EYS: variants seen among roughly 807,000 people sequenced by gnomAD.
The protein encoded by EYS is protein eyes shut homolog.
Under a neutral mutation model 282.1 loss-of-function variants are expected in EYS, and 250 were observed. The observed-to-expected ratio is 0.89, with a 90% CI of 0.80 to 0.98. The LOEUF is 0.98. Ranked by LOEUF, EYS falls within the 50% of genes least tolerant of loss-of-function variation. The probability of loss-of-function intolerance (pLI) is 0.00; values close to 1 mark genes in which losing one functional copy is unlikely to be tolerated. For synonymous variants in EYS, 1,355 were observed against 1,282.9 expected (o/e 1.06, Z -1.20); for missense variants, 4,016 against 3,709.0 (o/e 1.08, Z -2.15).
At chr6:64,398,335 G>A (rs903562410) in intron 28 of EYS, among the ~76,000 whole-genome samples, 1 of 151,860 alleles carries the variant, frequency 6.6e-6, no homozygotes, top group Non-Finnish European at 1.5e-5. Context: ...GGAGATGGAA[G>A]GAGATGGATT....
chr6:65,479,649 A>C (rs1765532284), intron 5 of EYS, among the ~76,000 whole-genome samples: 1 of 152,182 alleles, frequency 6.6e-6, no homozygotes, highest in African/African-American at 2.4e-5. Context: ...CCAACCTTCT[A>C]TGAAATGCGA....
chr6:65,313,934 T>C (rs1769228933), intron 11 of EYS, among the ~76,000 whole-genome samples: 1 of 152,200 alleles, frequency 6.6e-6, no homozygotes, highest in African/African-American at 2.4e-5. Context: ...CAAGGTGGTA[T>C]CTGATCAGAC....
At chr6:64,191,985 C>T (rs1484278162) in intron 31 of EYS, among the ~76,000 whole-genome samples, 1 of 145,598 alleles carries the variant, frequency 6.9e-6, no homozygotes, top group Non-Finnish European at 1.5e-5. Flanking sequence ...TCCTCTCCAG[C>T]ACCTGTTGTT....
chr6:65,656,313 T>C (rs1767824795), intron 1 of EYS, among the ~76,000 whole-genome samples: 2 of 151,908 alleles, frequency 1.3e-5, no homozygotes, highest in South Asian at 2.1e-4. Flanking sequence ...GAAATGATTA[T>C]GCTTAGTGAG....
At chr6:65,366,538 CA>C (rs1463064679) in intron 8 of EYS, among the ~76,000 whole-genome samples, 3 of 151,696 alleles carry the variant, frequency 2.0e-5, no homozygotes, top group African/African-American at 7.2e-5. Flanking sequence ...TATTTACATT[CA>C]AATTTATGTG....
intron 5 of EYS, among the ~76,000 whole-genome samples, chr6:65,484,078 C>T (rs1409223673): frequency 6.6e-6 from 1 of 151,428 alleles, no homozygotes; most frequent in African/African-American, 2.4e-5. Context: ...TTTTATACAT[C>T]TTTTAAATGT....
chr6:65,517,576 G>A (rs1463048995), intron 2 of EYS, among the ~76,000 whole-genome samples: 1 of 151,980 alleles, frequency 6.6e-6, no homozygotes, highest in Non-Finnish European at 1.5e-5. Flanking sequence ...GAGGTCTATG[G>A]TTAGGCAAGT....
intron 31 of EYS, among the ~76,000 whole-genome samples, chr6:64,117,900 G>GT: frequency 6.6e-6 from 1 of 152,028 alleles, no homozygotes; most frequent in East Asian, 1.9e-4. Context: ...TAGCATTTCT[G>GT]TATACTGATA....
intron 12 of EYS, among the ~76,000 whole-genome samples, chr6:65,250,171 C>G (rs1370475721): frequency 6.6e-6 from 1 of 151,928 alleles, no homozygotes; most frequent in Non-Finnish European, 1.5e-5. Flanking sequence ...GATGATGATA[C>G]CATAGTTGCT....
In EYS at chr6:65,700,816, G is replaced by C. The variant is rs1769647727; in HGVS notation, c.-448+6319C>G. ...TAATGTGTTTGCCGTACGTTCTTCA[G>C]CATAGATATAGTCTTGTAAAATATA... On this transcript the variant is annotated intron_variant, in intron 1 of 42. Transcript: ENST00000503581. Among the ~76,000 whole-genome samples, 5 of 152,216 alleles carry C rather than the reference G, an allele frequency of 3.3e-5. No individual in the cohort carries two copies. In the South Asian group the frequency reaches 1.0e-3, roughly 32 times the overall value.
chr6:64,520,039 A>G (rs946897690), intron 26 of EYS, among the ~76,000 whole-genome samples: 1 of 151,804 alleles, frequency 6.6e-6, no homozygotes, highest in Non-Finnish European at 1.5e-5. Flanking sequence ...TGGACCCAAT[A>G]GGAAACTCTA....
chr6:65,405,428 A>C, intron 5 of EYS, 61 bp from the exon 6 acceptor site: 1 of 1,311,162 alleles, frequency 7.6e-7, no homozygotes, highest in African/African-American at 1.5e-5. Flanking sequence ...AGAAATGAGC[A>C]TAGATATGTA....
intron 31 of EYS, among the ~76,000 whole-genome samples, chr6:64,150,711 C>A (rs531224817): frequency 6.6e-6 from 1 of 152,184 alleles, no homozygotes; most frequent in Non-Finnish European, 1.5e-5. Context: ...AATCCTTAAC[C>A]TTGGCTGGGC....
chr6:64,903,222 T>G, intron 16 of EYS, among the ~76,000 whole-genome samples: 1 of 152,258 alleles, frequency 6.6e-6, no homozygotes, highest in Non-Finnish European at 1.5e-5. Flanking sequence ...CCATTTTTCT[T>G]GTTAATATTT....
chr6:65,440,848 TA>T (rs1284270677), intron 5 of EYS, among the ~76,000 whole-genome samples: 1 of 145,874 alleles, frequency 6.9e-6, no homozygotes, highest in Non-Finnish European at 1.5e-5. Flanking sequence ...AATATGTGTA[TA>T]TATATATATA....
intron 35 of EYS, among the ~76,000 whole-genome samples, chr6:63,905,157 C>T (rs1562088981): frequency 6.6e-6 from 1 of 152,048 alleles, no homozygotes; most frequent in African/African-American, 2.4e-5. Context: ...AACATGTGGC[C>T]TTTTGTGTCT....
At chr6:63,877,421 A>G (rs895928110) in intron 35 of EYS, among the ~76,000 whole-genome samples, 1 of 151,820 alleles carries the variant, frequency 6.6e-6, no homozygotes, top group Non-Finnish European at 1.5e-5. Context: ...CTTCATTTCA[A>G]CTTTGGTGAA....
intron 31 of EYS, among the ~76,000 whole-genome samples, chr6:64,198,072 A>C (rs976034134): frequency 2.6e-5 from 4 of 151,716 alleles, no homozygotes; most frequent in African/African-American, 9.7e-5. Flanking sequence ...GGCTCACTGC[A>C]AGCTCCGCTT....
intron 24 of EYS, among the ~76,000 whole-genome samples, chr6:64,608,191 G>A (rs192174630): frequency 3.1e-4 from 47 of 152,054 alleles, no homozygotes; most frequent in African/African-American, 9.9e-4. Context: ...TCATGTTTTC[G>A]TTCATGTATA....
Sources: gnomAD v4.1 joint callset for allele counts (sites outside exome capture counted in the v4.1 genomes callset) on GRCh38, gnomAD v4.1.1 for gene constraint, MANE v1.5 for transcripts, NCBI Gene and HGNC (gene_info 2026-07-23, HGNC 2026-07-21) for gene names.